The following EXOC4 variants were observed in gnomAD, a reference collection of about 807,000 sequenced individuals.
EXOC4 encodes the protein SEC8-like 1.
EXOC4 carries 71 observed loss-of-function variants against 107.2 expected under a neutral mutation model. The ratio of observed to expected loss-of-function variants is 0.66; its 90% CI spans 0.55 to 0.81. EXOC4 has a LOEUF of 0.81. EXOC4 is among the 30% of genes least tolerant of loss of function. The pLI is 0.00. For missense variants in EXOC4, 1,108 were observed against 1,189.6 expected (o/e 0.93, Z 1.01); for synonymous variants, 456 against 441.2 (o/e 1.03, Z -0.42).
chr7:133,975,802 G>A (rs1379778443), intron 14 of EXOC4, among the ~76,000 whole-genome samples: 1 of 151,946 alleles, frequency 6.6e-6, no homozygotes, highest in Non-Finnish European at 1.5e-5. Context: ...CCAAGAAGTA[G>A]ATATCATAAT....
intron 14 of EXOC4, among the ~76,000 whole-genome samples, chr7:133,978,766 G>T (rs1214006794): frequency 6.6e-6 from 1 of 152,196 alleles, no homozygotes; most frequent in African/African-American, 2.4e-5. Context: ...TTTGCCAGCT[G>T]CCTGAGCATC....
At position 133,426,708 on chromosome 7, in the gene EXOC4, A is replaced by G. The variant is rs183396941; in HGVS notation, c.1183-48620A>G. ...ATGGTGAAGAAAGAACTATTAATGT[A>G]TGTAGGTTCTTTCTGCTGTAAACAG... On this transcript the variant is annotated intron_variant, in intron 7 of 17. Coordinates refer to ENST00000253861, the MANE Select transcript of EXOC4 (RefSeq NM_021807.4). Among the ~76,000 whole-genome samples, 41 of 152,374 alleles carry G rather than the reference A, an allele frequency of 2.7e-4. 1 individual carries two copies. Among genetic ancestry groups the G allele is most frequent in the Admixed American group, 1.7e-3 (26 of 15,308 alleles).
At chr7:133,916,434 A>G (rs1039327370) in intron 12 of EXOC4, among the ~76,000 whole-genome samples, 1 of 152,110 alleles carries the variant, frequency 6.6e-6, no homozygotes, top group Non-Finnish European at 1.5e-5. Context: ...GTAGGCTTCA[A>G]CTTTTTGTTT....
At chr7:133,708,983 G>A (rs2151094253) in intron 10 of EXOC4, among the ~76,000 whole-genome samples, 1 of 152,286 alleles carries the variant, frequency 6.6e-6, no homozygotes, top group Admixed American at 6.5e-5. Context: ...TCATCATTCA[G>A]TTGCATTTTT....
At chr7:133,749,955 GTT>G (rs56902982) in intron 10 of EXOC4, among the ~76,000 whole-genome samples, 671 of 62,038 alleles carry the variant, frequency 0.011, 3 homozygotes, top group African/African-American at 0.024. Flanking sequence ...GTGGTTGGCA[GTT>G]TTTTTTTTTT....
intron 10 of EXOC4, among the ~76,000 whole-genome samples, chr7:133,742,275 C>T (rs1360590606): frequency 6.6e-6 from 1 of 152,104 alleles, no homozygotes; most frequent in African/African-American, 2.4e-5. Flanking sequence ...GAGAAAGTCC[C>T]GTTTTTAGAG....
At chr7:133,527,444 A>C (rs1019936374) in intron 9 of EXOC4, among the ~76,000 whole-genome samples, 1 of 152,144 alleles carries the variant, frequency 6.6e-6, no homozygotes, top group Non-Finnish European at 1.5e-5. Context: ...TATGTATTTC[A>C]GTCATCCAGT....
At chr7:133,591,014 C>T (rs569855885) in intron 9 of EXOC4, among the ~76,000 whole-genome samples, 1 of 152,200 alleles carries the variant, frequency 6.6e-6, no homozygotes, top group Non-Finnish European at 1.5e-5. Flanking sequence ...AAGGCACTTG[C>T]CCCAGCCCCT....
chr7:133,327,885 A>T (rs534970934), intron 5 of EXOC4, among the ~76,000 whole-genome samples: 1 of 152,126 alleles, frequency 6.6e-6, no homozygotes, highest in African/African-American at 2.4e-5. Context: ...AATAAGTGCT[A>T]TGAGGTGCTG....
At chr7:133,348,441 C>T (rs573394444) in intron 5 of EXOC4, among the ~76,000 whole-genome samples, 1 of 152,122 alleles carries the variant, frequency 6.6e-6, no homozygotes. Flanking sequence ...GACATAATCT[C>T]AAGTCTTATT....
intron 9 of EXOC4, chr7:133,484,024 T>C (rs1489432717): frequency 3.1e-6 from 5 of 1,613,874 alleles, no homozygotes; most frequent in Admixed American, 1.7e-5. Context: ...TACGTCAACT[T>C]TTCCTTCCGT....
intron 14 of EXOC4, among the ~76,000 whole-genome samples, chr7:133,979,030 G>A (rs997805899): frequency 6.6e-6 from 1 of 152,138 alleles, no homozygotes; most frequent in Admixed American, 6.5e-5. Context: ...GTATTTCCAA[G>A]AAAGCAGATA....
At position 133,919,053 on chromosome 7, in the gene EXOC4, G is replaced by A. The variant is rs1799876171; in HGVS notation, c.2027+1315G>A. 2.0e-5 allele frequency among the ~76,000 whole-genome samples: 3 copies of A among 152,072 alleles called. 1 individual carries two copies. Among genetic ancestry groups the A allele is most frequent in the Admixed American group, 1.3e-4 (2 of 15,276 alleles). The stretch of plus-strand genomic sequence containing the variant: ...CTTTTTATTATGAAAATTTTCTGTA[G>A]CATCATGTTAAACTTTCTCAAAACC... On this transcript the variant is annotated intron_variant, in intron 13 of 17. Transcript: ENST00000253861.
At chr7:133,261,924 G>A (rs1390613332) in intron 1 of EXOC4, among the ~76,000 whole-genome samples, 1 of 152,152 alleles carries the variant, frequency 6.6e-6, no homozygotes, top group East Asian at 1.9e-4. Flanking sequence ...TCACACGTGT[G>A]CTGATCAATA....
chr7:133,316,857 C>T (rs1584804887), intron 4 of EXOC4, among the ~76,000 whole-genome samples: 1 of 152,240 alleles, frequency 6.6e-6, no homozygotes, highest in East Asian at 1.9e-4. Context: ...CACAAGTAAA[C>T]ACTAGTTAAA....
chr7:133,673,763 G>C (rs533945912), intron 10 of EXOC4, among the ~76,000 whole-genome samples: 3 of 152,168 alleles, frequency 2.0e-5, no homozygotes, highest in Non-Finnish European at 2.9e-5. Flanking sequence ...TATAGGTCTT[G>C]TGGGAATTCT....
At chr7:133,535,475 C>T (rs988299746) in intron 9 of EXOC4, among the ~76,000 whole-genome samples, 34 of 152,098 alleles carry the variant, frequency 2.2e-4, no homozygotes, top group Admixed American at 6.5e-4. Context: ...TGTGTGAATC[C>T]TAACTTCAGT....
At chr7:134,100,597 G>A in the EXOC4 span, among the ~76,000 whole-genome samples, 1 of 130,512 alleles carries the variant, frequency 7.7e-6, no homozygotes. Context: ...AAGGAGCCAT[G>A]TATGGGAAGG....
chr7:133,756,081 C>T (rs1301828346), intron 10 of EXOC4, among the ~76,000 whole-genome samples: 1 of 152,130 alleles, frequency 6.6e-6, no homozygotes, highest in Non-Finnish European at 1.5e-5. Flanking sequence ...CATGTGTATT[C>T]TTATAAAACC....
Sources: allele counts gnomAD v4.1 joint callset (sites outside exome capture counted in the v4.1 genomes callset), GRCh38; gene constraint gnomAD v4.1.1; transcripts MANE v1.5; gene names NCBI Gene and HGNC (gene_info 2026-07-23, HGNC 2026-07-21).